Variants in TJP2 observed in about 807,000 individuals in gnomAD.
The protein encoded by TJP2 is tight junction protein 2, also known as Friedreich ataxia region gene X104 (tight junction protein ZO-2).
Under a neutral mutation model 133.1 loss-of-function variants are expected in TJP2, and 91 were observed. The ratio of observed to expected loss-of-function variants is 0.68; its 90% CI spans 0.58 to 0.81. The LOEUF (loss-of-function observed/expected upper bound fraction) is 0.81, where lower values mean the gene tolerates loss of function less well. Ranked by LOEUF, TJP2 falls within the 40% of genes least tolerant of loss-of-function variation. The probability of loss-of-function intolerance (pLI) is 0.00; values close to 1 mark genes in which losing one functional copy is unlikely to be tolerated. For missense variants in TJP2, 1,541 were observed against 1,565.6 expected, an observed-to-expected ratio of 0.98 and a Z score of 0.26; for synonymous variants, 592 against 583.4, an observed-to-expected ratio of 1.01 and a Z score of -0.21.
chr9:69,139,870 C>T (rs1404063161), intron 1 of TJP2, among the ~76,000 whole-genome samples: 2 of 152,106 alleles, frequency 1.3e-5, no homozygotes, highest in African/African-American at 4.8e-5. Context: ...CCTATACTGC[C>T]ACAGAGTCCC....
chr9:69,179,724 C>T (rs1221957960), intron 1 of TJP2, among the ~76,000 whole-genome samples: 2 of 152,024 alleles, frequency 1.3e-5, no homozygotes, highest in Non-Finnish European at 2.9e-5. Context: ...TGGTCTTGAT[C>T]TCCTGACCTC....
intron 15 of TJP2, 52 bp from the exon 16 acceptor site, chr9:69,238,658 G>A: frequency 6.9e-7 from 1 of 1,453,584 alleles, no homozygotes; most frequent in African/African-American, 1.4e-5. Flanking sequence ...GGAGTATTTG[G>A]TTGTCACTGT....
At chr9:69,211,428 CT>C (rs754398134) in intron 1 of TJP2, among the ~76,000 whole-genome samples, 2 of 152,166 alleles carry the variant, frequency 1.3e-5, no homozygotes, top group Non-Finnish European at 2.9e-5. Context: ...TATTTAAAGT[CT>C]TTGATTCTTC....
At chr9:69,123,224 G>GTGTGTGATTTTGGTTT (rs1822230383) in intron 1 of TJP2, among the ~76,000 whole-genome samples, 2 of 16,584 alleles carry the variant, frequency 1.2e-4, no homozygotes, top group Non-Finnish European at 1.7e-4. Context: ...AGCCGCATGG[G>GTGTGTGATTTTGGTTT]TTAGAGCACC....
At chr9:69,227,585 G>T (rs1490855181) in intron 7 of TJP2, among the ~76,000 whole-genome samples, 180 bp from the exon 8 acceptor site, 1 of 152,090 alleles carries the variant, frequency 6.6e-6, no homozygotes, top group East Asian at 1.9e-4. Flanking sequence ...ATTAATTAAT[G>T]CCTTTCCCTT....
intron 2 of TJP2, among the ~76,000 whole-genome samples, chr9:69,162,693 A>C: frequency 6.6e-6 from 1 of 152,238 alleles, no homozygotes; most frequent in Non-Finnish European, 1.5e-5. Flanking sequence ...AAAAGAGCAA[A>C]TTTGGTGTAT....
Position 69,195,074 on chromosome 9 carries a change from C to A in TJP2, c.61-17474C>A, listed in dbSNP as rs533731635. ...CCTTGTGTGTTTCCTATGGGGCCAA[C>A]CTTGATGGTGACATTTAGCTGAGCA... On this transcript the variant is annotated intron_variant, in intron 1 of 22. Coordinates refer to ENST00000377245, the MANE Select transcript of TJP2 (RefSeq NM_004817.4). 2.0e-4 allele frequency among the ~76,000 whole-genome samples: 30 copies of A among 152,272 alleles called. No homozygotes were observed. The South Asian group carries it at 6.0e-3, about 31-fold the overall frequency.
intron 1 of TJP2, among the ~76,000 whole-genome samples, chr9:69,148,443 T>C (rs1823315671): frequency 6.6e-6 from 1 of 151,074 alleles, no homozygotes; most frequent in Non-Finnish European, 1.5e-5. Context: ...GGCAGGATCT[T>C]GGCTCACTGT....
At chr9:69,243,673 A>T (rs1337115910) in intron 17 of TJP2, among the ~76,000 whole-genome samples, 2 of 152,214 alleles carry the variant, frequency 1.3e-5, no homozygotes, top group Non-Finnish European at 2.9e-5. Flanking sequence ...CTACCCTTTT[A>T]TGCTAATTAT....
At chr9:69,231,467 T>C (rs1829779064) in intron 11 of TJP2, among the ~76,000 whole-genome samples, 1 of 151,912 alleles carries the variant, frequency 6.6e-6, no homozygotes, top group Admixed American at 6.6e-5. Context: ...AGGTTTTTTT[T>C]TTCTTGTTAA....
At position 69,236,251 on chromosome 9, in the gene TJP2, G is replaced by C; in HGVS notation, c.1991+13G>C. ...CCAACAAGAGCAGGTAACAGAGATC[G>C]CATTCTCACATACCCCTTTTAATCC... On this transcript the variant is annotated intron_variant, in intron 13 of 22. Coordinates refer to ENST00000377245, the MANE Select transcript of TJP2 (RefSeq NM_004817.4). The C allele has an allele frequency of 6.2e-7, 1 of 1,612,916 alleles. No homozygotes were observed. Among genetic ancestry groups the C allele is most frequent in the Non-Finnish European group, 8.5e-7 (1 of 1,179,724 alleles).
Position 69,166,588 on chromosome 9 carries a change from A to AT in TJP2, c.-10+14826dup, listed in dbSNP as rs1006421359. ...CAAGACCTCATCTCTACTAAAAATA[A>AT]TTTTTTTTTCTGAGTAGCTGGGATT... On this transcript the variant is annotated intron_variant, in intron 2 of 5. Coordinates refer to the TJP2 transcript ENST00000423935. 2.4e-4 allele frequency among the ~76,000 whole-genome samples: 36 copies of AT among 151,042 alleles called. No individual in the cohort carries two copies. The South Asian group carries it at 2.5e-3, about 11-fold the overall frequency.
chr9:69,138,423 G>A (rs775389403), intron 1 of TJP2, among the ~76,000 whole-genome samples: 6 of 150,250 alleles, frequency 4.0e-5, no homozygotes, highest in Non-Finnish European at 7.4e-5. Flanking sequence ...GAACTTCTGG[G>A]CTTTCACCTT....
intron 2 of TJP2, among the ~76,000 whole-genome samples, chr9:69,213,553 A>T (rs1335785978): frequency 1.3e-5 from 2 of 152,204 alleles, no homozygotes; most frequent in African/African-American, 2.4e-5. Context: ...TTTGTCTTCT[A>T]TGAAAATTAA....
At chr9:69,253,647 T>A (rs1831503034) in intron 22 of TJP2, 1 of 178,722 alleles carries the variant, frequency 5.6e-6, no homozygotes, top group African/African-American at 2.4e-5. Context: ...GAGACAGGGT[T>A]TCACCATGTT....
At chr9:69,188,922 T>C (rs1826031730) in intron 1 of TJP2, among the ~76,000 whole-genome samples, 1 of 152,160 alleles carries the variant, frequency 6.6e-6, no homozygotes, top group East Asian at 1.9e-4. Context: ...GTTATAGAAT[T>C]GGAAGGAAAA....
At chr9:69,157,517 T>C (rs887042664) in intron 2 of TJP2, among the ~76,000 whole-genome samples, 1 of 150,968 alleles carries the variant, frequency 6.6e-6, no homozygotes, top group Non-Finnish European at 1.5e-5. Flanking sequence ...CCAGGCTGGA[T>C]TACAGTAGCA....
At chr9:69,164,082 G>A (rs1231388075) in intron 2 of TJP2, among the ~76,000 whole-genome samples, 4 of 152,202 alleles carry the variant, frequency 2.6e-5, no homozygotes, top group South Asian at 2.1e-4. Context: ...TATGAGCCAC[G>A]TTTTCAATTT....
At chr9:69,198,725 G>A (rs760304999) in intron 1 of TJP2, among the ~76,000 whole-genome samples, 3 of 152,220 alleles carry the variant, frequency 2.0e-5, no homozygotes, top group Non-Finnish European at 4.4e-5. Flanking sequence ...CCGGCACTCA[G>A]TGCATTGTGA....
Sources: allele counts gnomAD v4.1 joint callset (sites outside exome capture counted in the v4.1 genomes callset), GRCh38; gene constraint gnomAD v4.1.1; transcripts MANE v1.5; gene names NCBI Gene and HGNC (gene_info 2026-07-23, HGNC 2026-07-21).